Variants in EPC2 observed in about 807,000 individuals in gnomAD.
EPC2 encodes the protein enhancer of polycomb 2.
EPC2 carries 14 observed loss-of-function variants against 92.1 expected under a neutral mutation model. The observed-to-expected ratio is 0.15, with a 90% CI of 0.10 to 0.24. The LOEUF (loss-of-function observed/expected upper bound fraction) is 0.24. EPC2 is among the 10% of genes least tolerant of loss of function. EPC2 has a pLI of 1.00. For missense variants in EPC2, 755 were observed against 971.5 expected, an observed-to-expected ratio of 0.78 and a Z score of 2.96; for synonymous variants, 340 against 334.7, an observed-to-expected ratio of 1.02 and a Z score of -0.17.
intron 6 of EPC2, among the ~76,000 whole-genome samples, chr2:148,764,739 A>G (rs1340391249): frequency 6.6e-6 from 1 of 152,100 alleles, no homozygotes; most frequent in Non-Finnish European, 1.5e-5. Flanking sequence ...AATAATGTAA[A>G]AAGCAAATTT....
intron 8 of EPC2, 52 bp downstream of exon 8, chr2:148,769,292 A>G: frequency 1.6e-6 from 2 of 1,283,542 alleles, no homozygotes; most frequent in Non-Finnish European, 2.2e-6. Flanking sequence ...ATTAACAGGT[A>G]ACCCATGTCA....
chr2:148,770,404 A>G (rs1683493138), intron 8 of EPC2, among the ~76,000 whole-genome samples: 3 of 151,958 alleles, frequency 2.0e-5, no homozygotes, highest in African/African-American at 2.4e-5. Flanking sequence ...TTGAAGTGCA[A>G]TTTTTAGTCC....
chr2:148,775,028 G>A (rs1266763459), intron 10 of EPC2, among the ~76,000 whole-genome samples: 1 of 150,668 alleles, frequency 6.6e-6, no homozygotes, highest in Non-Finnish European at 1.5e-5. Context: ...GGCGGAGCTT[G>A]CAGCAAGCCG....
rs182501263 is a variant in EPC2 at position 148,743,981 on chromosome 2, A to T, written c.459+214A>T. Among the ~76,000 whole-genome samples the T allele has an allele frequency of 2.0e-5, 3 of 152,200 alleles. No individual in the cohort carries two copies. In the East Asian group the frequency reaches 5.8e-4, roughly 29 times the overall value. On this transcript the variant is annotated intron_variant, in intron 3 of 13. Coordinates refer to ENST00000258484, the MANE Select transcript of EPC2 (RefSeq NM_015630.4). ...CTGTTCTGACTGTTTTCCTGTTTGG[A>T]TAAAAATAATACTAGTCACAATGTT...
chr2:148,736,177 G>A (rs546564759), intron 2 of EPC2, among the ~76,000 whole-genome samples: 2 of 152,248 alleles, frequency 1.3e-5, no homozygotes, highest in East Asian at 3.9e-4. Context: ...CTTCCTGATG[G>A]AGACTGATTT....
Position 148,776,398 on chromosome 2 carries a change from C to T in EPC2, c.1720+5011C>T, listed in dbSNP as rs549437430. Among the ~76,000 whole-genome samples the T allele has an allele frequency of 1.4e-3, 218 of 152,216 alleles. 1 individual carries two copies. Among genetic ancestry groups the T allele is most frequent in the African/African-American group, 5.0e-3 (207 of 41,530 alleles). The stretch of plus-strand genomic sequence containing the variant: ...GGATTTTTAGTCTTTCTTCATTATC[C>T]TCACATCTGTTTGTTCTTCATTCCC... On this transcript the variant is annotated intron_variant, in intron 10 of 13. Transcript: ENST00000258484.
chr2:148,745,435 T>A (rs1682968852), intron 3 of EPC2, among the ~76,000 whole-genome samples: 1 of 152,074 alleles, frequency 6.6e-6, no homozygotes, highest in African/African-American at 2.4e-5. Context: ...GTAAGACAGA[T>A]GACAAAAATT....
chr2:148,736,844 A>G (rs963884481), intron 2 of EPC2, among the ~76,000 whole-genome samples: 1 of 151,962 alleles, frequency 6.6e-6, no homozygotes, highest in Non-Finnish European at 1.5e-5. Flanking sequence ...TCATGCCTGT[A>G]GTTTCAGCAG....
chr2:148,708,456 T>G (rs1412715728), intron 2 of EPC2, among the ~76,000 whole-genome samples: 2 of 152,100 alleles, frequency 1.3e-5, no homozygotes, highest in Non-Finnish European at 2.9e-5. Flanking sequence ...ACTCTTCCAA[T>G]CAATAGGAAA....
At chr2:148,765,238 TTGC>T (rs1683386780) in intron 7 of EPC2, 92 bp downstream of exon 7, 1 of 942,566 alleles carries the variant, frequency 1.1e-6, no homozygotes, top group South Asian at 2.5e-5. Flanking sequence ...GTTTTTATTC[TTGC>T]TTTGTTCCCC....
At chr2:148,721,890 C>CTTTTTTTTTTT in intron 2 of EPC2, among the ~76,000 whole-genome samples, 20 of 60,760 alleles carry the variant, frequency 3.3e-4, no homozygotes, top group African/African-American at 1.1e-3. Flanking sequence ...GTTTTGATTT[C>CTTTTTTTTTTT]TTTTTTTTTT....
intron 1 of EPC2, among the ~76,000 whole-genome samples, chr2:148,660,785 T>A (rs1680916341): frequency 6.6e-6 from 1 of 152,008 alleles, no homozygotes; most frequent in African/African-American, 2.4e-5. Context: ...CTCCCTGGTA[T>A]GAGATGCTAC....
At chr2:148,657,328 G>C (rs1311104434) in intron 1 of EPC2, among the ~76,000 whole-genome samples, 1 of 152,134 alleles carries the variant, frequency 6.6e-6, no homozygotes, top group South Asian at 2.1e-4. Flanking sequence ...GTCAGTAGGA[G>C]TTTATTTGAA....
chr2:148,779,082 A>G (rs1683701648), intron 10 of EPC2, among the ~76,000 whole-genome samples: 1 of 152,180 alleles, frequency 6.6e-6, no homozygotes, highest in Admixed American at 6.5e-5. Context: ...GGAGAAAAGA[A>G]TAAGGTTCCT....
At chr2:148,761,404 T>TA (rs1300757401) in intron 4 of EPC2, among the ~76,000 whole-genome samples, 1 of 152,210 alleles carries the variant, frequency 6.6e-6, no homozygotes, top group Non-Finnish European at 1.5e-5. Context: ...TTTTGACTGT[T>TA]ACCTTGATCT....
chr2:148,777,300 C>T (rs1264194069), intron 10 of EPC2, among the ~76,000 whole-genome samples: 1 of 152,090 alleles, frequency 6.6e-6, no homozygotes. Flanking sequence ...AGGTATTCCT[C>T]ATTAAGCTAT....
chr2:148,650,157 G>A (rs1433677376), intron 1 of EPC2, among the ~76,000 whole-genome samples: 2 of 152,094 alleles, frequency 1.3e-5, no homozygotes, highest in Admixed American at 6.5e-5. Context: ...TATATTCCAA[G>A]TGCCTGGAAC....
intron 1 of EPC2, among the ~76,000 whole-genome samples, chr2:148,685,787 T>C (rs1253063440): frequency 6.6e-6 from 1 of 152,136 alleles, no homozygotes; most frequent in East Asian, 1.9e-4. Flanking sequence ...AATAAAAAAA[T>C]AAAAGTTATG....
intron 2 of EPC2, among the ~76,000 whole-genome samples, chr2:148,710,529 A>C (rs1308523012): frequency 6.6e-6 from 1 of 152,208 alleles, no homozygotes; most frequent in Admixed American, 6.5e-5. Context: ...AAATCATGCT[A>C]CTATAAAGAC....
Sources: gnomAD v4.1 joint callset for allele counts (sites outside exome capture counted in the v4.1 genomes callset) on GRCh38, gnomAD v4.1.1 for gene constraint, MANE v1.5 for transcripts, NCBI Gene and HGNC (gene_info 2026-07-23, HGNC 2026-07-21) for gene names.